ANK2: variants seen among roughly 807,000 people sequenced by gnomAD.
ANK2 encodes the protein ankyrin-2.
A neutral mutation model predicts 360.5 loss-of-function variants in ANK2; 83 were observed. The ratio of observed to expected loss-of-function variants is 0.23; its 90% CI spans 0.19 to 0.28. The LOEUF (loss-of-function observed/expected upper bound fraction) is 0.28, where lower values mean the gene tolerates loss of function less well. ANK2 is among the 10% of genes least tolerant of loss of function. The pLI is 1.00. For synonymous variants in ANK2, 1,740 were observed against 1,759.5 expected (o/e 0.99, Z 0.28); for missense variants, 4,201 against 4,795.7 (o/e 0.88, Z 3.66).
At chr4:113,099,895 G>A (rs186182946) in intron 1 of ANK2, among the ~76,000 whole-genome samples, 2 of 151,970 alleles carry the variant, frequency 1.3e-5, no homozygotes, top group Middle Eastern at 3.2e-3. Flanking sequence ...TCAACAAATG[G>A]TGCTGGAATA....
the ANK2 span, among the ~76,000 whole-genome samples, chr4:112,709,606 G>T: frequency 6.6e-6 from 1 of 152,234 alleles, no homozygotes; most frequent in Non-Finnish European, 1.5e-5. Flanking sequence ...AAAATTAGCT[G>T]GGTGTGGTGG....
chr4:113,061,266 C>G (rs1157145141), intron 1 of ANK2, among the ~76,000 whole-genome samples: 1 of 152,096 alleles, frequency 6.6e-6, no homozygotes, highest in Admixed American at 6.6e-5. Context: ...GGGGAACTTA[C>G]ACTTACTGTA....
At position 113,356,644 on chromosome 4, in the gene ANK2, G is replaced by C; in HGVS notation, c.8026G>C (p.Gly2676Arg). ...SEPELAQLKKGADSGLLPEPV... is the reference protein window; with the variant it reads ...SEPELAQLKKRADSGLLPEPV... ...ACCTGAGTTGGCACAGCTTAAAAAA[G>C]GTGCTGACTCAGGCCTTTTACCAGA... The change falls in exon 38 of 46, where the codon GGT becomes CGT. Residue 2676 changes from glycine (G) to arginine (R), a missense_variant. By Grantham distance (125) the Gly-to-Arg change is moderately radical (BLOSUM62 -2). Around this residue, in one of 4 missense-constraint regions of ANK2, gnomAD observed 2,642 missense variants for 2,714.5 expected, o/e 0.97. Coordinates refer to ENST00000357077, the MANE Select transcript of ANK2 (RefSeq NM_001148.6). 6.2e-7 allele frequency: 1 copy of C among 1,613,968 alleles called. No individual in the cohort carries two copies. The highest frequency in any genetic ancestry group is 8.5e-7 in the Non-Finnish European group (1 of 1,179,944).
chr4:113,376,682 A>G (rs1396719225), intron 45 of ANK2, among the ~76,000 whole-genome samples: 11 of 152,108 alleles, frequency 7.2e-5, no homozygotes, highest in South Asian at 2.1e-4. Flanking sequence ...TAATAACACA[A>G]GTTAAGATGC....
chr4:113,119,593 C>T (rs1323363060), intron 1 of ANK2, among the ~76,000 whole-genome samples: 1 of 151,974 alleles, frequency 6.6e-6, no homozygotes, highest in Non-Finnish European at 1.5e-5. Context: ...AAATTATCAT[C>T]GTTTATTTGC....
At chr4:112,788,703 C>T in the ANK2 span, 81 of 1,596,954 alleles carry the variant, frequency 5.1e-5, no homozygotes, top group Non-Finnish European at 6.1e-5. Flanking sequence ...CCTGATATAG[C>T]GGGGCCATTT....
intron 2 of ANK2, among the ~76,000 whole-genome samples, chr4:113,029,681 T>C (rs2059995289): frequency 6.6e-6 from 1 of 152,106 alleles, no homozygotes; most frequent in South Asian, 2.1e-4. Context: ...CAGAGTTTTA[T>C]ACCCACAGAG....
chr4:112,733,208 G>A, the ANK2 span, among the ~76,000 whole-genome samples: 2 of 151,692 alleles, frequency 1.3e-5, no homozygotes, highest in East Asian at 1.9e-4. Flanking sequence ...AAAACAAGAC[G>A]CTGCCTCAAA....
chr4:113,153,458 G>A (rs1302834883), intron 1 of ANK2, among the ~76,000 whole-genome samples: 1 of 151,952 alleles, frequency 6.6e-6, no homozygotes, highest in Admixed American at 6.6e-5. Context: ...TTTCCCCAGA[G>A]TTACAAAAGA....
intron 4 of ANK2, among the ~76,000 whole-genome samples, chr4:113,202,862 T>C (rs2098853106): frequency 6.6e-6 from 1 of 152,190 alleles, no homozygotes; most frequent in African/African-American, 2.4e-5. Context: ...AATGGTATAG[T>C]GTAATTGATT....
At chr4:113,022,495 C>A (rs1031536788) in intron 2 of ANK2, among the ~76,000 whole-genome samples, 1 of 152,046 alleles carries the variant, frequency 6.6e-6, no homozygotes, top group East Asian at 1.9e-4. Context: ...GCATCTTAGT[C>A]GCATCCTGTA....
At position 113,336,005 on chromosome 4, in the gene ANK2, A is replaced by T. The variant is rs762718905; in HGVS notation, c.3539A>T (p.Gln1180Leu). The T allele has an allele frequency of 6.2e-7, 1 of 1,614,154 alleles. No individual in the cohort carries two copies. Among genetic ancestry groups the T allele is most frequent in the South Asian group, 1.1e-5 (1 of 91,084 alleles). Residue 1180 changes from glutamine (Q) to leucine (L), a missense_variant, in exon 30 of 46, where the codon CAG becomes CTG. Coordinates refer to ENST00000357077, the MANE Select transcript of ANK2 (RefSeq NM_001148.6). ...AGCAGCACAGTGGTGCCCCAGGTGC[A>T]GGCCGTCTTCCCAGAGGGGGCACTC... ...VLSSTVVPQV[Q>L]AVFPEGALTK...
At chr4:112,929,659 C>T (rs914897986) in intron 2 of ANK2, among the ~76,000 whole-genome samples, 1 of 152,162 alleles carries the variant, frequency 6.6e-6, no homozygotes, top group African/African-American at 2.4e-5. Context: ...TGACTGGTCT[C>T]TAGGTGAATT....
chr4:113,163,330 C>T (rs2097607406), intron 1 of ANK2, among the ~76,000 whole-genome samples: 1 of 152,088 alleles, frequency 6.6e-6, no homozygotes, highest in East Asian at 1.9e-4. Context: ...GCAAAAGATG[C>T]TGAAAGCTGT....
intron 38 of ANK2, 41 bp downstream of exon 38, chr4:113,359,340 A>G: frequency 2.5e-6 from 4 of 1,609,038 alleles, no homozygotes; most frequent in Non-Finnish European, 2.5e-6. Context: ...TACGCATGTC[A>G]TAAAATTGAT....
At chr4:112,893,813 G>C (rs1580679178) in intron 1 of ANK2, among the ~76,000 whole-genome samples, 2 of 152,166 alleles carry the variant, frequency 1.3e-5, no homozygotes, top group East Asian at 3.9e-4. Flanking sequence ...TGGCCAACAA[G>C]GCAAAACTCT....
chr4:113,231,643 A>T (rs2099308897), intron 4 of ANK2, among the ~76,000 whole-genome samples: 2 of 150,964 alleles, frequency 1.3e-5, no homozygotes, highest in East Asian at 3.9e-4. Context: ...TCACTCTGTC[A>T]CCCAGGCTGG....
the ANK2 span, among the ~76,000 whole-genome samples, chr4:112,706,069 G>A: frequency 1.3e-5 from 2 of 151,020 alleles, no homozygotes; most frequent in African/African-American, 4.8e-5. Flanking sequence ...GCGGGCCGCA[G>A]GCCCGACGCG....
chr4:112,749,493 G>C, the ANK2 span, among the ~76,000 whole-genome samples: 1 of 152,178 alleles, frequency 6.6e-6, no homozygotes. Flanking sequence ...TTCAGAAAAT[G>C]TATGGAAACT....
Sources: gnomAD v4.1 joint callset for allele counts (sites outside exome capture counted in the v4.1 genomes callset) on GRCh38, gnomAD v4.1.1 for gene constraint, gnomAD v4.1.1 regional missense constraint, MANE v1.5 for transcripts, NCBI Gene and HGNC (gene_info 2026-07-23, HGNC 2026-07-21) for gene names.